Variants in PCDHA11 observed in about 807,000 individuals in gnomAD.
PCDHA11 encodes the protein protocadherin alpha-11.
In PCDHA11, 61 loss-of-function variants were observed where a neutral mutation model predicts 70.3. The observed-to-expected ratio is 0.87, with a 90% confidence interval of 0.71 to 1.07. The LOEUF is 1.07. Ranked by LOEUF, PCDHA11 falls within the 50% of genes least tolerant of loss-of-function variation. The probability of loss-of-function intolerance (pLI) is 0.00; values close to 1 mark genes in which losing one functional copy is unlikely to be tolerated. For missense variants in PCDHA11, 1,324 were observed against 1,237.5 expected, an observed-to-expected ratio of 1.07 and a Z score of -1.05; for synonymous variants, 633 against 555.1, an observed-to-expected ratio of 1.14 and a Z score of -1.97.
intron 1 of PCDHA11, among the ~76,000 whole-genome samples, chr5:140,932,458 G>T (rs1316450984): frequency 6.6e-6 from 1 of 151,710 alleles, no homozygotes; most frequent in African/African-American, 2.4e-5. Flanking sequence ...TTTTGCCAGG[G>T]TATATAGGAA....
intron 1 of PCDHA11, among the ~76,000 whole-genome samples, chr5:140,971,037 TA>T (rs2096453416): frequency 1.3e-5 from 2 of 152,200 alleles, no homozygotes; most frequent in Admixed American, 6.5e-5. Context: ...TGAAAGCACG[TA>T]AAAGGGTTTA....
At chr5:140,971,615 G>C (rs2096488487) in intron 1 of PCDHA11, among the ~76,000 whole-genome samples, 1 of 152,030 alleles carries the variant, frequency 6.6e-6, no homozygotes, top group East Asian at 1.9e-4. Flanking sequence ...GGAGAGTCCT[G>C]GGGTACAATT....
At chr5:140,975,027 C>G (rs1235916815) in intron 1 of PCDHA11, among the ~76,000 whole-genome samples, 1 of 152,082 alleles carries the variant, frequency 6.6e-6, no homozygotes, top group Non-Finnish European at 1.5e-5. Flanking sequence ...GCTGTGTTGT[C>G]CTTTGCAGGC....
At chr5:140,871,955 G>C in intron 1 of PCDHA11, among the ~76,000 whole-genome samples, 1 of 152,196 alleles carries the variant, frequency 6.6e-6, no homozygotes, top group East Asian at 1.9e-4. Flanking sequence ...TTTCTAAAGG[G>C]AGGAGGTCTT....
rs1554206991 is a variant in PCDHA11, at chr5:140,929,323, A to G, written c.2392-49626A>G. 4 of 1,540,320 alleles carry G rather than the reference A, an allele frequency of 2.6e-6. No homozygotes were observed. In the Admixed American group the frequency reaches 8.1e-5, roughly 31 times the overall value. On this transcript the variant is annotated intron_variant, in intron 1 of 3. Transcript: ENST00000398640. ...AGGGGATCACGCTAATGTCAATGCC[A>G]TGGTAAGCAAATTTTATGGAATTTG...
At chr5:140,967,373 A>C in intron 1 of PCDHA11, 1 of 1,607,416 alleles carries the variant, frequency 6.2e-7, no homozygotes, top group Non-Finnish European at 8.5e-7. Flanking sequence ...CCTGCAGGAG[A>C]ACAGTAAAGT....
chr5:140,871,527 G>T lies in PCDHA11; in HGVS notation c.2391+33G>T, dbSNP rs537927360. ...TTCTACAGATTCCACCTATCAGGAA[G>T]TGTATGTGAAATTATTTAAAATCCA... On this transcript the variant is annotated intron_variant, in intron 1 of 3. Transcript: ENST00000398640. 7 of 1,531,726 alleles carry T rather than the reference G, an allele frequency of 4.6e-6. No individual in the cohort carries two copies. The African/African-American group carries it at 9.7e-5, about 21-fold the overall frequency. The allele number at this position is 1,531,726 out of a possible 1,614,324, so 94.9% of individuals were successfully genotyped here.
chr5:140,991,501 A>G (rs1223011478), intron 3 of PCDHA11, among the ~76,000 whole-genome samples: 1 of 152,216 alleles, frequency 6.6e-6, no homozygotes, highest in East Asian at 1.9e-4. Context: ...AGTGAGTTTC[A>G]CTGGCTAAAA....
chr5:140,966,947 G>C (rs782439197), intron 1 of PCDHA11: 2 of 1,603,404 alleles, frequency 1.2e-6, no homozygotes, highest in East Asian at 2.2e-5. Flanking sequence ...CGTGGGCAAC[G>C]TGGCTCGCGC....
chr5:140,981,944 G>A (rs893119825), intron 2 of PCDHA11, among the ~76,000 whole-genome samples: 2 of 152,174 alleles, frequency 1.3e-5, no homozygotes, highest in Non-Finnish European at 2.9e-5. Flanking sequence ...GAAATATAGG[G>A]TGGGTCATCT....
chr5:140,946,092 G>A (rs985293430), intron 1 of PCDHA11, among the ~76,000 whole-genome samples: 2 of 151,914 alleles, frequency 1.3e-5, no homozygotes, highest in Non-Finnish European at 2.9e-5. Flanking sequence ...CTGATAAGGA[G>A]TTAACATACC....
chr5:140,969,389 A>G (rs1554231753), intron 1 of PCDHA11: 8 of 1,592,478 alleles, frequency 5.0e-6, no homozygotes, highest in Admixed American at 1.8e-5. Context: ...ACATCCCCCA[A>G]TATCCTGTGA....
Position 140,876,851 on chromosome 5 carries a change from A to G in PCDHA11, c.2391+5357A>G, listed in dbSNP as rs1554169034. ...GCGCCTGCGTTCGCGCAGCCCGAGT[A>G]CACAGTGTTCGTGAAGGAGAACAAC... On this transcript the variant is annotated intron_variant, in intron 1 of 3. Coordinates refer to ENST00000398640, the MANE Select transcript of PCDHA11 (RefSeq NM_018902.5). The G allele has an allele frequency of 5.0e-6, 8 of 1,613,986 alleles. No individual in the cohort carries two copies. In the Admixed American group the frequency reaches 1.3e-4, roughly 27 times the overall value.
At chr5:140,883,920 T>C in intron 1 of PCDHA11, 1 of 1,613,492 alleles carries the variant, frequency 6.2e-7, no homozygotes, top group Non-Finnish European at 8.5e-7. Flanking sequence ...AACGTGACGC[T>C]GCAGGTGTTC....
intron 1 of PCDHA11, chr5:140,966,778 G>A: frequency 6.6e-7 from 1 of 1,512,496 alleles, no homozygotes; most frequent in Non-Finnish European, 8.8e-7. Flanking sequence ...TGGAGCAGGC[G>A]GGCACCAGAC....
intron 1 of PCDHA11, among the ~76,000 whole-genome samples, chr5:140,921,041 G>A (rs902181810): frequency 1.3e-5 from 2 of 151,820 alleles, no homozygotes; most frequent in Non-Finnish European, 2.9e-5. Flanking sequence ...GTGCAGTGGG[G>A]CAATCATAGC....
At chr5:140,929,205 G>T in intron 1 of PCDHA11, 1 of 1,614,120 alleles carries the variant, frequency 6.2e-7, no homozygotes, top group Non-Finnish European at 8.5e-7. Flanking sequence ...GTTTGCTGTT[G>T]CGTGGGGAGT....
At chr5:140,928,406 G>A (rs782285182) in intron 1 of PCDHA11, 1 of 1,614,050 alleles carries the variant, frequency 6.2e-7, no homozygotes, top group South Asian at 1.1e-5. Flanking sequence ...TCATCCAGTG[G>A]GGCCATCACT....
chr5:140,875,265 T>C, intron 1 of PCDHA11: 1 of 1,201,060 alleles, frequency 8.3e-7, no homozygotes, highest in Admixed American at 3.0e-5. Flanking sequence ...GATGTCGCTC[T>C]ACACTCAGAA....
Sources: gnomAD v4.1 joint callset for allele counts (sites outside exome capture counted in the v4.1 genomes callset) on GRCh38, gnomAD v4.1.1 for gene constraint, MANE v1.5 for transcripts, NCBI Gene and HGNC (gene_info 2026-07-23, HGNC 2026-07-21) for gene names.